Variants in PTGES3 observed in about 807,000 individuals in gnomAD.
The protein encoded by PTGES3 is Hsp90 co-chaperone.
In PTGES3, 5 loss-of-function variants were observed where a neutral mutation model predicts 29.9. That is an observed-to-expected ratio of 0.17 (90% CI 0.09 to 0.35). The LOEUF is 0.35. Among genes scored for constraint, PTGES3 ranks in the 10% least tolerant of loss-of-function variants. The pLI, the probability that PTGES3 is intolerant of heterozygous loss-of-function variation, is 1.00. For synonymous variants in PTGES3, 49 were observed against 57.8 expected (o/e 0.85, Z 0.69); for missense variants, 128 against 190.0 (o/e 0.67, Z 1.92).
At position 56,670,370 on chromosome 12, in the gene PTGES3, A is replaced by G; in HGVS notation, c.286-6T>C. 3.2e-6 allele frequency: 5 copies of G among 1,580,294 alleles called. No individual in the cohort carries two copies. The highest frequency in any genetic ancestry group is 3.5e-6 in the Non-Finnish European group (4 of 1,149,118). On this transcript the variant is annotated splice_polypyrimidine_tract_variant and splice_region_variant and intron_variant, in intron 4 of 7. Transcript: ENST00000262033. Reference sequence around the variant, plus strand: ...TCGACACTAAGCCAATTAAGCTATAAATCAATACAAATATCACCCTAAGAT... The same window carrying G: ...TCGACACTAAGCCAATTAAGCTATAGATCAATACAAATATCACCCTAAGAT...
intron 1 of PTGES3, among the ~76,000 whole-genome samples, chr12:56,675,300 AAAAAAGAAAAAG>A (rs763557082): frequency 1.2e-4 from 18 of 151,900 alleles, no homozygotes; most frequent in East Asian, 3.9e-4. Flanking sequence ...ACTCTGTCTC[AAAAAAGAAAAAG>A]AAAAAGAAAA....
rs536678468 is a variant in PTGES3, at chr12:56,687,730, G to A, written c.2+268C>T. 2.9e-6 allele frequency: 4 copies of A among 1,362,316 alleles called. No homozygotes were observed. In the African/African-American group the frequency reaches 6.1e-5, roughly 21 times the overall value. 84.4% of individuals were successfully genotyped at this position (1,362,316 alleles called of 1,614,324 possible). A position where few individuals can be genotyped will look rare whatever the true frequency, so the allele number is the denominator to read the frequency against. ...AGGGTGAAGTTACCGAAAGAGGCGAGTAACCCAGACAGCCAAAGGGGTAAA... is the reference window on the plus strand; with the variant it reads ...AGGGTGAAGTTACCGAAAGAGGCGAATAACCCAGACAGCCAAAGGGGTAAA... On this transcript the variant is annotated intron_variant, in intron 1 of 7. Coordinates refer to ENST00000262033, the MANE Select transcript of PTGES3 (RefSeq NM_006601.7).
At chr12:56,677,297 C>T (rs528169575) in intron 1 of PTGES3, among the ~76,000 whole-genome samples, 1 of 150,300 alleles carries the variant, frequency 6.7e-6, no homozygotes, top group African/African-American at 2.4e-5. Context: ...TTACCTTGAA[C>T]AGCTTTCACC....
intron 1 of PTGES3, among the ~76,000 whole-genome samples, chr12:56,677,701 TGA>T (rs1952323381): frequency 6.6e-6 from 1 of 152,114 alleles, no homozygotes; most frequent in Non-Finnish European, 1.5e-5. Context: ...TGTGTTTTTT[TGA>T]GTTATAGCAA....
Position 56,664,337 on chromosome 12 carries a change from A to G in PTGES3, c.*142T>C, listed in dbSNP as rs1429702097. 1.0e-6 allele frequency: 1 copy of G among 963,930 alleles called. No homozygotes were observed. The highest frequency in any genetic ancestry group is 1.8e-5 in the African/African-American group (1 of 56,712). The allele number at this position is 963,930 out of a possible 1,614,324, so 59.7% of individuals were successfully genotyped here. On this transcript the variant is annotated 3_prime_UTR_variant, in exon 8 of 8. Transcript: ENST00000262033. Reference sequence around the variant, plus strand: ...AACCCTTAGTGAAGCCTTTTAAAAAACAAACAGGTTGAAAAATGGGTTAAA... The same window carrying G: ...AACCCTTAGTGAAGCCTTTTAAAAAGCAAACAGGTTGAAAAATGGGTTAAA...
intron 1 of PTGES3, among the ~76,000 whole-genome samples, chr12:56,678,687 A>C (rs1952382079): frequency 6.6e-6 from 1 of 152,210 alleles, no homozygotes; most frequent in African/African-American, 2.4e-5. Context: ...TTAGGAACAA[A>C]TACGGTCTCT....
intron 3 of PTGES3, among the ~76,000 whole-genome samples, chr12:56,672,229 C>T (rs962024953): frequency 4.6e-5 from 7 of 152,106 alleles, no homozygotes; most frequent in East Asian, 1.9e-4. Context: ...CTTGGCCGGG[C>T]GCAGTGGCTC....
At chr12:56,680,021 GAAGGCA>G (rs1456753333) in intron 1 of PTGES3, among the ~76,000 whole-genome samples, 1 of 151,814 alleles carries the variant, frequency 6.6e-6, no homozygotes, top group Non-Finnish European at 1.5e-5. Context: ...AATCCTCATG[GAAGGCA>G]AAAGGAGATT....
intron 5 of PTGES3, among the ~76,000 whole-genome samples, chr12:56,669,656 G>A (rs1217335072): frequency 6.6e-6 from 1 of 151,976 alleles, no homozygotes; most frequent in African/African-American, 2.4e-5. Flanking sequence ...TCTTTCGCCA[G>A]GCTGGAGTCC....
At chr12:56,687,028 A>AC (rs1358463988) in intron 1 of PTGES3, 1 of 371,768 alleles carries the variant, frequency 2.7e-6, no homozygotes, top group East Asian at 4.2e-5. Flanking sequence ...AAAAAAAAAA[A>AC]AACCCTGTAA....
chr12:56,687,250 C>G (rs1197342489), intron 1 of PTGES3: 1 of 1,012,258 alleles, frequency 9.9e-7, no homozygotes, highest in African/African-American at 1.7e-5. Flanking sequence ...GAAACCTCAC[C>G]TCAAGTAGAA....
chr12:56,664,972 T>C (rs1951732304), intron 6 of PTGES3, 172 bp from the exon 7 acceptor site: 1 of 985,428 alleles, frequency 1.0e-6, no homozygotes, highest in Non-Finnish European at 1.2e-6. Flanking sequence ...CTAAGGTGAA[T>C]GGATGTACAG....
rs920491531 is a variant in PTGES3 at position 56,679,730 on chromosome 12, G to A, written c.3-6665C>T. On this transcript the variant is annotated intron_variant, in intron 1 of 7. Transcript: ENST00000262033. Reference sequence around the variant, plus strand: ...ACCCCGGAGTGACAGGCTGGAGAACGGTGGCATGATCTTGGCTCACCGCAA... The same window carrying A: ...ACCCCGGAGTGACAGGCTGGAGAACAGTGGCATGATCTTGGCTCACCGCAA... Among the ~76,000 whole-genome samples the A allele has an allele frequency of 2.0e-5, 3 of 151,956 alleles. No homozygotes were observed. The East Asian group carries it at 5.8e-4, about 29-fold the overall frequency.
intron 1 of PTGES3, among the ~76,000 whole-genome samples, chr12:56,685,394 CTTTTCTTTTTTT>C (rs958960104): frequency 6.2e-5 from 6 of 96,902 alleles, no homozygotes; most frequent in African/African-American, 2.2e-4. Flanking sequence ...AGCATTTTTT[CTTTTCTTTTTTT>C]TTTTTTTTTT....
intron 1 of PTGES3, among the ~76,000 whole-genome samples, chr12:56,675,004 CAAAAAAA>C (rs1177350725): frequency 5.9e-4 from 19 of 32,360 alleles, no homozygotes; most frequent in South Asian, 4.5e-3. Flanking sequence ...AACTCGGTCT[CAAAAAAA>C]AAAAAAAAAA....
chr12:56,674,553 A>G (rs1952138006), intron 1 of PTGES3, among the ~76,000 whole-genome samples: 1 of 151,438 alleles, frequency 6.6e-6, no homozygotes, highest in South Asian at 2.1e-4. Flanking sequence ...TCAGGCGGGC[A>G]CAGTGGCTCA....
chr12:56,668,707 TA>T (rs1951877094), intron 5 of PTGES3, among the ~76,000 whole-genome samples: 1 of 152,218 alleles, frequency 6.6e-6, no homozygotes, highest in Non-Finnish European at 1.5e-5. Flanking sequence ...AGCAGTTGCA[TA>T]AAGCTGGAAA....
At chr12:56,683,266 C>G (rs1952639792) in intron 1 of PTGES3, among the ~76,000 whole-genome samples, 1 of 151,418 alleles carries the variant, frequency 6.6e-6, no homozygotes, top group African/African-American at 2.4e-5. Flanking sequence ...GGGTGATCAC[C>G]TGAAGTCGGG....
At chr12:56,669,334 A>G (rs1951908071) in intron 5 of PTGES3, among the ~76,000 whole-genome samples, 1 of 152,164 alleles carries the variant, frequency 6.6e-6, no homozygotes, top group African/African-American at 2.4e-5. Context: ...CTGGAATCAC[A>G]GGCATGCACC....
Sources: gnomAD v4.1 joint callset for allele counts (sites outside exome capture counted in the v4.1 genomes callset) on GRCh38, gnomAD v4.1.1 for gene constraint, MANE v1.5 for transcripts, NCBI Gene and HGNC (gene_info 2026-07-23, HGNC 2026-07-21) for gene names.